SLC38A4: variants seen among roughly 807,000 people sequenced by gnomAD.
SLC38A4 encodes solute carrier family 38 member 4.
Under a neutral mutation model 63.1 loss-of-function variants are expected in SLC38A4, and 20 were observed. That is an observed-to-expected ratio of 0.32 (90% confidence interval 0.22 to 0.46). The LOEUF (loss-of-function observed/expected upper bound fraction) is 0.46, where lower values mean the gene tolerates loss of function less well. Among genes scored for constraint, SLC38A4 ranks in the 20% least tolerant of loss-of-function variants. The probability of loss-of-function intolerance (pLI) is 1.00; values close to 1 mark genes in which losing one functional copy is unlikely to be tolerated. For synonymous variants in SLC38A4, 230 were observed against 225.5 expected, an observed-to-expected ratio of 1.02 and a Z score of -0.18; for missense variants, 526 against 663.6, an observed-to-expected ratio of 0.79 and a Z score of 2.28.
chr12:46,797,638 C>T (rs1939042671), intron 2 of SLC38A4, among the ~76,000 whole-genome samples: 1 of 152,142 alleles, frequency 6.6e-6, no homozygotes, highest in African/African-American at 2.4e-5. Flanking sequence ...TATCTATATA[C>T]ATCTATACCT....
chr12:46,785,438 C>T (rs1308149053), intron 5 of SLC38A4, among the ~76,000 whole-genome samples: 1 of 151,964 alleles, frequency 6.6e-6, no homozygotes, highest in African/African-American at 2.4e-5. Flanking sequence ...TGGTTCATAA[C>T]TTAGATGCTA....
intron 1 of SLC38A4, among the ~76,000 whole-genome samples, chr12:46,806,433 G>C (rs779523114): frequency 1.3e-5 from 2 of 151,982 alleles, no homozygotes; most frequent in Non-Finnish European, 2.9e-5. Flanking sequence ...GTGTGGAGGT[G>C]GTGGTGGAGG....
intron 3 of SLC38A4, 90 bp from the exon 4 acceptor site, chr12:46,788,708 A>T: frequency 8.4e-7 from 1 of 1,190,352 alleles, no homozygotes; most frequent in South Asian, 1.3e-5. Context: ...TAAGTAACTG[A>T]ATCAGAGGAG....
upstream of SLC38A4, among the ~76,000 whole-genome samples, chr12:46,830,682 G>T (rs1223383391): frequency 6.6e-6 from 1 of 152,158 alleles, no homozygotes; most frequent in Non-Finnish European, 1.5e-5. Flanking sequence ...ACCAAGCAGT[G>T]GGTCCTTTAG....
chr12:46,791,073 G>A (rs537138057), intron 3 of SLC38A4, among the ~76,000 whole-genome samples: 1 of 152,282 alleles, frequency 6.6e-6, no homozygotes, highest in South Asian at 2.1e-4. Context: ...ATGACACTAT[G>A]ACAGTTCTTA....
Position 46,784,574 on chromosome 12 carries a change from G to C in SLC38A4, c.461C>G (p.Ala154Gly). 1 of 1,612,794 alleles carries C rather than the reference G, an allele frequency of 6.2e-7. No individual in the cohort carries two copies. The highest frequency in any genetic ancestry group is 8.5e-7 in the Non-Finnish European group (1 of 1,179,322). Residue 154 changes from alanine (A) to glycine (G), a missense_variant, in exon 7 of 17, where the codon GCT (alanine) becomes GGT (glycine). Coordinates refer to ENST00000266579, the MANE Select transcript of SLC38A4 (RefSeq NM_018018.5). ...GTTCTGCATTGTAATGGAAACAAAAGCTCCAATTTTTCCCGGCCATCCAAA... is the reference window on the plus strand; with the variant it reads ...GTTCTGCATTGTAATGGAAACAAAACCTCCAATTTTTCCCGGCCATCCAAA... The part of the protein sequence containing the change: ...KAFGWPGKIG[A>G]FVSITMQNIG...
At chr12:46,818,854 A>G (rs1230775662) in intron 1 of SLC38A4, among the ~76,000 whole-genome samples, 2 of 151,942 alleles carry the variant, frequency 1.3e-5, no homozygotes, top group Non-Finnish European at 2.9e-5. Flanking sequence ...CTGGGTGAGT[A>G]GACCAGTACA....
intron 1 of SLC38A4, among the ~76,000 whole-genome samples, chr12:46,822,422 C>T (rs1316097545): frequency 1.3e-5 from 2 of 152,112 alleles, no homozygotes; most frequent in African/African-American, 4.8e-5. Flanking sequence ...GACCCTACCC[C>T]TTCTTATGAC....
intron 1 of SLC38A4, among the ~76,000 whole-genome samples, chr12:46,832,038 T>C (rs1939738807): frequency 1.3e-5 from 2 of 152,150 alleles, no homozygotes; most frequent in Admixed American, 1.3e-4. Flanking sequence ...AATCAGTCTC[T>C]TCCCTCCATG....
At chr12:46,826,668 G>C (rs1238211134), upstream of SLC38A4, among the ~76,000 whole-genome samples, 1 of 152,176 alleles carries the variant, frequency 6.6e-6, no homozygotes, top group African/African-American at 2.4e-5. Flanking sequence ...AAAAGTGGGA[G>C]AGCCAAAATT....
chr12:46,775,247 T>C (rs1242552059), intron 13 of SLC38A4, 74 bp from the exon 14 acceptor site: 7 of 1,544,758 alleles, frequency 4.5e-6, no homozygotes, highest in East Asian at 2.3e-5. Flanking sequence ...CAACATTTTA[T>C]AGAGAGAACA....
At chr12:46,779,558 CA>C (rs1376658350) in intron 10 of SLC38A4, 52 bp downstream of exon 10, 19 of 1,458,078 alleles carry the variant, frequency 1.3e-5, no homozygotes, top group African/African-American at 1.3e-4. Context: ...AATTTAGGCA[CA>C]AAAAAACTCA....
At chr12:46,769,482 A>T in intron 14 of SLC38A4, 54 bp from the exon 15 acceptor site, 1 of 1,559,556 alleles carries the variant, frequency 6.4e-7, no homozygotes, top group South Asian at 1.1e-5. Context: ...GACTTTATCT[A>T]TTACTTCAAA....
At chr12:46,791,667 G>A (rs1330386897) in intron 3 of SLC38A4, among the ~76,000 whole-genome samples, 3 of 152,152 alleles carry the variant, frequency 2.0e-5, no homozygotes, top group Non-Finnish European at 4.4e-5. Flanking sequence ...TAACTATTGT[G>A]CACTCACTAT....
intron 2 of SLC38A4, among the ~76,000 whole-genome samples, chr12:46,801,978 G>A (rs1340505825): frequency 6.6e-6 from 1 of 151,956 alleles, no homozygotes; most frequent in Non-Finnish European, 1.5e-5. Flanking sequence ...CTCAGATATA[G>A]CTTACAGATA....
At chr12:46,771,202 G>T (rs926099255) in intron 14 of SLC38A4, among the ~76,000 whole-genome samples, 1 of 152,098 alleles carries the variant, frequency 6.6e-6, no homozygotes, top group Non-Finnish European at 1.5e-5. Flanking sequence ...TCTACATTAT[G>T]ATCTGCAATT....
intron 5 of SLC38A4, 89 bp from the exon 6 acceptor site, chr12:46,785,266 T>A (rs2120803906): frequency 9.5e-7 from 1 of 1,055,946 alleles, no homozygotes; most frequent in Middle Eastern, 2.3e-4. Flanking sequence ...ATCACATTAA[T>A]CTTTTCAATC....
chr12:46,806,039 T>G (rs1356556057), intron 1 of SLC38A4, among the ~76,000 whole-genome samples: 2 of 151,700 alleles, frequency 1.3e-5, no homozygotes, highest in Admixed American at 1.3e-4. Context: ...ATTCAAGATT[T>G]CAGAGAGCCC....
chr12:46,791,565 C>T (rs1307474740), intron 3 of SLC38A4, among the ~76,000 whole-genome samples: 13 of 152,154 alleles, frequency 8.5e-5, no homozygotes, highest in Non-Finnish European at 1.2e-4. Context: ...CTCTATTTCA[C>T]GCCTAGATTT....
Sources: allele counts gnomAD v4.1 joint callset (sites outside exome capture counted in the v4.1 genomes callset), GRCh38; gene constraint gnomAD v4.1.1; transcripts MANE v1.5; gene names NCBI Gene and HGNC (gene_info 2026-07-23, HGNC 2026-07-21).